Variants in NRG2 observed in about 807,000 individuals in gnomAD.
The protein encoded by NRG2 is pro-neuregulin-2, membrane-bound isoform.
A neutral mutation model predicts 73.9 loss-of-function variants in NRG2; 27 were observed. The ratio of observed to expected loss-of-function variants is 0.37; its 90% confidence interval spans 0.27 to 0.50. The LOEUF (loss-of-function observed/expected upper bound fraction) is 0.50, where lower values mean the gene tolerates loss of function less well. NRG2 is among the 20% of genes least tolerant of loss of function. NRG2 has a pLI of 0.96. For missense variants in NRG2, 1,126 were observed against 1,210.1 expected (o/e 0.93, Z 1.03); for synonymous variants, 532 against 541.0 (o/e 0.98, Z 0.23).
chr5:139,945,149 T>G (rs1383941784), intron 1 of NRG2, among the ~76,000 whole-genome samples: 2 of 152,174 alleles, frequency 1.3e-5, no homozygotes, highest in African/African-American at 4.8e-5. Flanking sequence ...ATATTCTGGA[T>G]AGTAATTCCC....
chr5:139,855,186 C>T (rs551684507), intron 6 of NRG2, among the ~76,000 whole-genome samples: 3 of 152,320 alleles, frequency 2.0e-5, no homozygotes, highest in East Asian at 3.9e-4. Flanking sequence ...TTTGAGGCAT[C>T]TGTCTTTCTT....
intron 1 of NRG2, among the ~76,000 whole-genome samples, chr5:139,892,282 C>T (rs540657626): frequency 2.0e-5 from 3 of 152,308 alleles, no homozygotes; most frequent in Admixed American, 6.5e-5. Flanking sequence ...GAGGTGACCT[C>T]CCCAAGATGG....
chr5:139,935,514 G>A (rs2126394437), intron 1 of NRG2, among the ~76,000 whole-genome samples: 1 of 152,198 alleles, frequency 6.6e-6, no homozygotes, highest in South Asian at 2.1e-4. Flanking sequence ...TACAAACCAT[G>A]CTCTCTAATC....
At chr5:139,860,272 G>GC (rs1191873356) in intron 5 of NRG2, among the ~76,000 whole-genome samples, 3 of 152,126 alleles carry the variant, frequency 2.0e-5, no homozygotes, top group South Asian at 2.1e-4. Context: ...GGTCTCAGGA[G>GC]CCCCCCTGCT....
At chr5:139,882,983 T>C (rs1170434384) in intron 2 of NRG2, among the ~76,000 whole-genome samples, 1 of 152,022 alleles carries the variant, frequency 6.6e-6, no homozygotes, top group Non-Finnish European at 1.5e-5. Context: ...TGTCTGATGA[T>C]TTCATAGAAG....
Position 139,848,753 on chromosome 5 carries a change from G to C in NRG2, c.1773-56C>G, listed in dbSNP as rs1405657889. The stretch of plus-strand genomic sequence containing the variant: ...GCCAGGCCGGGCCGGCGCGGGGGAG[G>C]GGGGGTTGGGGGTGGGGTAGGGTGG... On this transcript the variant is annotated intron_variant, in intron 9 of 9. Coordinates refer to ENST00000361474, the MANE Select transcript of NRG2 (RefSeq NM_004883.3). The C allele has an allele frequency of 6.2e-6, 5 of 810,906 alleles. No homozygotes were observed. In the South Asian group the frequency reaches 1.2e-4, roughly 19 times the overall value. 50.2% of individuals were successfully genotyped at this position (810,906 alleles called of 1,614,324 possible). A position where few individuals can be genotyped will look rare whatever the true frequency, so the allele number is the denominator to read the frequency against.
rs2127067984 is a variant in NRG2 at position 139,870,019 on chromosome 5, G to T, written c.1112+1702C>A. Among the ~76,000 whole-genome samples the T allele has an allele frequency of 6.6e-6, 1 of 152,340 alleles. No individual in the cohort carries two copies. The highest frequency in any genetic ancestry group is 2.1e-4 in the South Asian group (1 of 4,824). On this transcript the variant is annotated intron_variant, in intron 4 of 9. Coordinates refer to ENST00000361474, the MANE Select transcript of NRG2 (RefSeq NM_004883.3). The surrounding 1 kb of genome is among the most constrained non-coding windows in gnomAD (Gnocchi z 4.4). ...TCCCTTCAAAGTCTGGGGTCCAAGG[G>T]GCTAGGGAAGAGGAGAGACCTACCT...
rs542769367 is a variant in NRG2, at chr5:139,934,548, C to T, written c.701-47037G>A. ...CCAGTAAAAAGGTAAAATGAAATCACGAAAAAGAAAAAAACAAAGAACAGA... is the reference window on the plus strand; with the variant it reads ...CCAGTAAAAAGGTAAAATGAAATCATGAAAAAGAAAAAAACAAAGAACAGA... On this transcript the variant is annotated intron_variant, in intron 1 of 9. Transcript: ENST00000361474. Among the ~76,000 whole-genome samples, 42 of 151,622 alleles carry T rather than the reference C, an allele frequency of 2.8e-4. 1 individual carries two copies. The highest frequency in any genetic ancestry group is 9.4e-4 in the African/African-American group (39 of 41,348).
intron 1 of NRG2, among the ~76,000 whole-genome samples, chr5:140,038,143 C>T (rs1761647094): frequency 6.6e-6 from 1 of 151,880 alleles, no homozygotes; most frequent in Non-Finnish European, 1.5e-5. Flanking sequence ...AAAGAAAAAA[C>T]TAATTGATAT....
intron 9 of NRG2, among the ~76,000 whole-genome samples, chr5:139,850,787 C>T (rs1322993933): frequency 1.3e-5 from 2 of 152,140 alleles, no homozygotes; most frequent in Admixed American, 6.5e-5. Context: ...GGCCTTGAAC[C>T]CTGGGGTCTT....
intron 6 of NRG2, 126 bp downstream of exon 6, chr5:139,855,550 G>C: frequency 2.6e-6 from 2 of 782,044 alleles, no homozygotes; most frequent in Non-Finnish European, 4.4e-6. Flanking sequence ...CCCCCGAGGG[G>C]TAGTTGGGGC....
At position 139,855,678 on chromosome 5, in the gene NRG2, G is replaced by T. The variant is rs777221124; in HGVS notation, c.1290C>A (p.Thr430=). The T allele has an allele frequency of 1.4e-5, 22 of 1,612,910 alleles. No individual in the cohort carries two copies. The highest frequency in any genetic ancestry group is 8.5e-7 in the Non-Finnish European group (1 of 1,179,098). ...GIVCVVAYCK[T]KKQRKQMHNH... ...CAGCTTGAGTGACTGACACTCACTT[G>T]GTCTTGCAGTAGGCCACCACACAGA... Residue 430 remains threonine, a splice_region_variant and synonymous_variant, in exon 6 of 10, where the codon ACC becomes ACA. Coordinates refer to ENST00000361474, the MANE Select transcript of NRG2 (RefSeq NM_004883.3).
Position 139,884,968 on chromosome 5 carries a change from A to T in NRG2, c.872+2372T>A, listed in dbSNP as rs73271420. Among the ~76,000 whole-genome samples, 603 of 152,204 alleles carry T rather than the reference A, an allele frequency of 4.0e-3. 5 individuals carry two copies. The highest frequency in any genetic ancestry group is 0.014 in the African/African-American group (588 of 41,534). ...CAAAGGGTCAGGGGTTGAGCAGCAGAGAGTCTGGTTGAGCCACAGTTGAGA... is the reference window on the plus strand; with the variant it reads ...CAAAGGGTCAGGGGTTGAGCAGCAGTGAGTCTGGTTGAGCCACAGTTGAGA... On this transcript the variant is annotated intron_variant, in intron 2 of 9. Coordinates refer to ENST00000361474, the MANE Select transcript of NRG2 (RefSeq NM_004883.3).
chr5:139,981,240 C>T (rs924517394), intron 1 of NRG2, among the ~76,000 whole-genome samples: 15 of 152,204 alleles, frequency 9.9e-5, no homozygotes, highest in Non-Finnish European at 2.1e-4. Flanking sequence ...GGACTGGGTG[C>T]TGCTCCCCTA....
chr5:139,949,051 CCAAAAA>C (rs1445348906), intron 1 of NRG2, among the ~76,000 whole-genome samples: 1 of 151,878 alleles, frequency 6.6e-6, no homozygotes, highest in African/African-American at 2.4e-5. Context: ...ATAGGCTTCT[CCAAAAA>C]TCTGTAGTGT....
chr5:139,867,796 G>A (rs866338172), intron 4 of NRG2, among the ~76,000 whole-genome samples: 1 of 115,320 alleles, frequency 8.7e-6, no homozygotes, highest in African/African-American at 4.8e-5. Flanking sequence ...GTGTGTGTGT[G>A]TATGAGTGTG....
At chr5:139,860,476 G>C (rs149669008) in intron 5 of NRG2, among the ~76,000 whole-genome samples, 1 of 151,996 alleles carries the variant, frequency 6.6e-6, no homozygotes, top group Non-Finnish European at 1.5e-5. Flanking sequence ...CTGGGAGCCC[G>C]GGTGGGGAGC....
chr5:140,033,578 G>A (rs1470646631), intron 1 of NRG2, among the ~76,000 whole-genome samples: 2 of 152,158 alleles, frequency 1.3e-5, no homozygotes, highest in Non-Finnish European at 2.9e-5. Context: ...GACTCACAAG[G>A]GTGTCTCCAC....
At chr5:139,929,283 C>G (rs935337688) in intron 1 of NRG2, among the ~76,000 whole-genome samples, 7 of 152,228 alleles carry the variant, frequency 4.6e-5, no homozygotes, top group African/African-American at 1.7e-4. Context: ...CATGCCATAT[C>G]TGCTATTTCT....
Sources: gnomAD v4.1 joint callset for allele counts (sites outside exome capture counted in the v4.1 genomes callset) on GRCh38, gnomAD v4.1.1 for gene constraint, Gnocchi (gnomAD v3.1) non-coding constraint, MANE v1.5 for transcripts, NCBI Gene and HGNC (gene_info 2026-07-23, HGNC 2026-07-21) for gene names.